INTU: variants seen among roughly 807,000 people sequenced by gnomAD.
INTU encodes protein inturned.
Under a neutral mutation model 100.5 loss-of-function variants are expected in INTU, and 68 were observed. The ratio of observed to expected loss-of-function variants is 0.68; its 90% CI spans 0.56 to 0.83. INTU has a LOEUF of 0.83. Ranked by LOEUF, INTU falls within the 40% of genes least tolerant of loss-of-function variation. The pLI, the probability that INTU is intolerant of heterozygous loss-of-function variation, is 0.00. For missense variants in INTU, 1,071 were observed against 1,114.7 expected, an observed-to-expected ratio of 0.96 and a Z score of 0.56; for synonymous variants, 357 against 395.7, an observed-to-expected ratio of 0.90 and a Z score of 1.16.
At chr4:127,634,731 T>C (rs1726993473) in intron 1 of INTU, among the ~76,000 whole-genome samples, 1 of 152,210 alleles carries the variant, frequency 6.6e-6, no homozygotes, top group South Asian at 2.1e-4. Context: ...CATAAGATGT[T>C]TTGCTGGTCT....
intron 1 of INTU, among the ~76,000 whole-genome samples, chr4:127,639,492 A>G (rs1051461323): frequency 2.6e-5 from 4 of 152,098 alleles, no homozygotes; most frequent in Admixed American, 2.0e-4. Flanking sequence ...GTGAAAGGTT[A>G]GGTTTTTGTG....
intron 7 of INTU, 34 bp from the exon 8 acceptor site, chr4:127,687,644 A>G: frequency 6.4e-7 from 1 of 1,556,698 alleles, no homozygotes; most frequent in South Asian, 1.2e-5. Flanking sequence ...CCATTTCCAT[A>G]TGTCGTTCTA....
chr4:127,705,131 T>C (rs1328128406), intron 10 of INTU, among the ~76,000 whole-genome samples: 1 of 152,092 alleles, frequency 6.6e-6, no homozygotes, highest in African/African-American at 2.4e-5. Context: ...ATAAATCTTA[T>C]ATAACATTTA....
intron 2 of INTU, among the ~76,000 whole-genome samples, chr4:127,648,087 A>C (rs995064765): frequency 6.6e-6 from 1 of 152,196 alleles, no homozygotes; most frequent in African/African-American, 2.4e-5. Context: ...TCTCTTAATA[A>C]AAATTTTCTC....
intron 2 of INTU, among the ~76,000 whole-genome samples, chr4:127,655,297 C>A (rs1254028738): frequency 1.3e-5 from 2 of 152,198 alleles, no homozygotes; most frequent in Non-Finnish European, 2.9e-5. Flanking sequence ...AGGAGAGGTG[C>A]TCTGCGTTTT....
At chr4:127,710,786 A>G (rs888951693) in intron 13 of INTU, 127 bp from the exon 14 acceptor site, 7 of 487,288 alleles carry the variant, frequency 1.4e-5, no homozygotes. Context: ...TCCCTTCCCT[A>G]ATTATACTAC....
intron 8 of INTU, among the ~76,000 whole-genome samples, chr4:127,693,375 G>A (rs1730238932): frequency 6.6e-6 from 1 of 151,990 alleles, no homozygotes; most frequent in Non-Finnish European, 1.5e-5. Flanking sequence ...TTCTCAGTTG[G>A]TAACTTTTGG....
In INTU at chr4:127,725,602, GA is replaced by G. The variant is rs1230313886; in HGVS notation, c.*9169del. On this transcript the variant is annotated 3_prime_UTR_variant, in exon 16 of 16. Transcript: ENST00000335251. ...TAGGGGACTTTTTGTTTCATTTAAT[GA>G]AATTTTGATGTGTTGAACTGCTTTC... The G allele has an allele frequency of 1.3e-5, 2 of 152,118 alleles. No homozygotes were observed. The highest frequency in any genetic ancestry group is 2.9e-5 in the Non-Finnish European group (2 of 68,030). 9.4% of individuals were successfully genotyped at this position (152,118 alleles called of 1,614,324 possible). A position where few individuals can be genotyped will look rare whatever the true frequency, so the allele number is the denominator to read the frequency against.
rs1326400185 is a variant in INTU, at chr4:127,718,528, A to G, written c.*2092A>G. 1.3e-5 allele frequency: 2 copies of G among 152,254 alleles called. No individual in the cohort carries two copies. Among genetic ancestry groups the G allele is most frequent in the East Asian group, 1.9e-4 (1 of 5,176 alleles). 9.4% of individuals were successfully genotyped at this position (152,254 alleles called of 1,614,324 possible). The stretch of plus-strand genomic sequence containing the variant: ...TTTTCTAATTCTATGAAGAATATCA[A>G]TGGTAGTTTAATGGGAATAACATTG... On this transcript the variant is annotated 3_prime_UTR_variant, in exon 16 of 16. Coordinates refer to ENST00000335251, the MANE Select transcript of INTU (RefSeq NM_015693.4).
intron 8 of INTU, among the ~76,000 whole-genome samples, chr4:127,697,910 C>T (rs976624399): frequency 6.6e-6 from 1 of 152,016 alleles, no homozygotes; most frequent in South Asian, 2.1e-4. Context: ...CATCTGAGGT[C>T]GGGAGTTCAA....
intron 8 of INTU, among the ~76,000 whole-genome samples, chr4:127,690,342 G>A (rs150741408): frequency 3.3e-5 from 5 of 152,268 alleles, no homozygotes; most frequent in Admixed American, 2.0e-4. Flanking sequence ...AACCATAGCT[G>A]TTGCTTATCT....
At chr4:127,656,586 T>C in intron 2 of INTU, 50 bp from the exon 3 acceptor site, 1 of 1,320,794 alleles carries the variant, frequency 7.6e-7, no homozygotes, top group South Asian at 1.2e-5. Context: ...TAGACCTCTA[T>C]GGTTTTTAGA....
In INTU at chr4:127,665,509, T is replaced by C. The variant is rs564024265; in HGVS notation, c.972+1925T>C. 3.9e-5 allele frequency among the ~76,000 whole-genome samples: 6 copies of C among 152,260 alleles called. No homozygotes were observed. In the South Asian group the frequency reaches 1.0e-3, roughly 26 times the overall value. On this transcript the variant is annotated intron_variant, in intron 4 of 15. Transcript: ENST00000335251. ...TCTGATGATGTCTTCTTTTACCTCT[T>C]CCTGAAAGGTAGCTTGATAATTCTA...
At chr4:127,697,975 C>T (rs1433713066) in intron 8 of INTU, among the ~76,000 whole-genome samples, 1 of 152,028 alleles carries the variant, frequency 6.6e-6, no homozygotes, top group East Asian at 1.9e-4. Context: ...ACAAAATAAG[C>T]TGGGTGTGAT....
chr4:127,670,783 G>C (rs1728891290), intron 5 of INTU, among the ~76,000 whole-genome samples: 1 of 151,984 alleles, frequency 6.6e-6, no homozygotes, highest in Non-Finnish European at 1.5e-5. Context: ...CAATGGAACA[G>C]AACAGAGAAC....
intron 1 of INTU, among the ~76,000 whole-genome samples, chr4:127,641,701 CTCT>C (rs757614307): frequency 3.3e-5 from 5 of 152,120 alleles, no homozygotes; most frequent in Non-Finnish European, 5.9e-5. Flanking sequence ...TTCTCACTTT[CTCT>C]TCTTTACTAA....
chr4:127,673,139 C>T (rs1484071266), intron 5 of INTU, among the ~76,000 whole-genome samples: 1 of 152,132 alleles, frequency 6.6e-6, no homozygotes, highest in Non-Finnish European at 1.5e-5. Flanking sequence ...AATAGGCAGT[C>T]ACAAAATATT....
At position 127,696,850 on chromosome 4, in the gene INTU, C is replaced by T. The variant is rs1048515887; in HGVS notation, c.1450-3160C>T. Among the ~76,000 whole-genome samples, 5 of 152,058 alleles carry T rather than the reference C, an allele frequency of 3.3e-5. No individual in the cohort carries two copies. In the East Asian group the frequency reaches 9.6e-4, roughly 29 times the overall value. ...TTTCCCCCAAGCACCACTTTTGCTGCACCATATAAGTTTTGATAAGTTGTG... is the reference window on the plus strand; with the variant it reads ...TTTCCCCCAAGCACCACTTTTGCTGTACCATATAAGTTTTGATAAGTTGTG... On this transcript the variant is annotated intron_variant, in intron 8 of 15. Transcript: ENST00000335251.
chr4:127,673,921 G>GT (rs372029639), intron 5 of INTU, among the ~76,000 whole-genome samples: 4,454 of 138,702 alleles, frequency 0.032, 174 homozygotes, highest in African/African-American at 0.1. Flanking sequence ...CTGTTTTTTT[G>GT]TTTTTTTTTT....
Sources: allele counts gnomAD v4.1 joint callset (sites outside exome capture counted in the v4.1 genomes callset), GRCh38; gene constraint gnomAD v4.1.1; transcripts MANE v1.5; gene names NCBI Gene and HGNC (gene_info 2026-07-23, HGNC 2026-07-21).